RYR2: variants seen among roughly 807,000 people sequenced by gnomAD.
The protein encoded by RYR2 is ryanodine receptor 2.
In RYR2, 227 loss-of-function variants were observed where a neutral mutation model predicts 601.1. The observed-to-expected ratio is 0.38, with a 90% CI of 0.34 to 0.42. The LOEUF is 0.42. Ranked by LOEUF, RYR2 falls within the 10% of genes least tolerant of loss-of-function variation. The pLI, the probability that RYR2 is intolerant of heterozygous loss-of-function variation, is 1.00. For synonymous variants in RYR2, 2,223 were observed against 2,175.1 expected (o/e 1.02, Z -0.61); for missense variants, 4,646 against 6,156.5 (o/e 0.75, Z 8.21).
chr1:237,177,991 C>G (rs999863841), intron 1 of RYR2, among the ~76,000 whole-genome samples: 2 of 152,166 alleles, frequency 1.3e-5, no homozygotes, highest in African/African-American at 2.4e-5. Flanking sequence ...AATGCATGCT[C>G]TCAGTGATAA....
chr1:237,175,399 T>A (rs532755394), intron 1 of RYR2, among the ~76,000 whole-genome samples: 8 of 152,224 alleles, frequency 5.3e-5, no homozygotes, highest in African/African-American at 1.7e-4. Flanking sequence ...GTTTCCAGAT[T>A]TTTTTTTCTT....
chr1:237,557,613 AG>A (rs1044928340), intron 27 of RYR2, among the ~76,000 whole-genome samples: 5 of 151,870 alleles, frequency 3.3e-5, no homozygotes, highest in African/African-American at 7.3e-5. Flanking sequence ...TTTAGGAAAA[AG>A]GCTGAATGTA....
chr1:237,749,298 A>G (rs1468681538), intron 80 of RYR2, among the ~76,000 whole-genome samples: 1 of 152,200 alleles, frequency 6.6e-6, no homozygotes, highest in Non-Finnish European at 1.5e-5. Context: ...TGTGAGCGGA[A>G]GCCTCAATTT....
At chr1:237,257,231 C>A (rs112633470) in intron 1 of RYR2, among the ~76,000 whole-genome samples, 17 of 152,114 alleles carry the variant, frequency 1.1e-4, no homozygotes, top group Non-Finnish European at 2.1e-4. Flanking sequence ...CGACCACCTG[C>A]GCATCCATGA....
intron 76 of RYR2, among the ~76,000 whole-genome samples, chr1:237,727,414 A>G (rs1263893257): frequency 1.3e-5 from 2 of 152,162 alleles, no homozygotes; most frequent in African/African-American, 4.8e-5. Context: ...ACTGAGGAAT[A>G]TCTGCTCACA....
At chr1:237,203,416 CATTGT>C (rs1681418501) in intron 1 of RYR2, among the ~76,000 whole-genome samples, 2 of 152,228 alleles carry the variant, frequency 1.3e-5, no homozygotes, top group East Asian at 3.9e-4. Flanking sequence ...TATTTTCATA[CATTGT>C]AGGTAAGAGT....
At chr1:237,331,214 A>G (rs1426758058) in intron 3 of RYR2, among the ~76,000 whole-genome samples, 1 of 152,160 alleles carries the variant, frequency 6.6e-6, no homozygotes, top group Non-Finnish European at 1.5e-5. Flanking sequence ...CCTCGTGCTT[A>G]TGTCTGTTGT....
chr1:237,363,335 A>G (rs1207252743), intron 4 of RYR2, among the ~76,000 whole-genome samples: 1 of 152,146 alleles, frequency 6.6e-6, no homozygotes, highest in African/African-American at 2.4e-5. Flanking sequence ...TAAGCCAAGG[A>G]TGAAAGCTTC....
rs1678297331 is a variant in RYR2 at position 237,614,885 on chromosome 1, A to C, written c.5715+42A>C. On this transcript the variant is annotated intron_variant, in intron 37 of 104. Transcript: ENST00000366574. The surrounding 1 kb of genome is among the most constrained non-coding windows in gnomAD (Gnocchi z 4.3). Reference sequence around the variant, plus strand: ...ACTTGAGTGAATTTCAGAATTGCTAAGCATTAAGGTATTAGAACATGCCTT... The same window carrying C: ...ACTTGAGTGAATTTCAGAATTGCTACGCATTAAGGTATTAGAACATGCCTT... The C allele has an allele frequency of 4.0e-6, 6 of 1,518,228 alleles. No individual in the cohort carries two copies. Among genetic ancestry groups the C allele is most frequent in the Non-Finnish European group, 5.3e-6 (6 of 1,133,640 alleles). 94.0% of individuals were successfully genotyped at this position (1,518,228 alleles called of 1,614,324 possible). A position where few individuals can be genotyped will look rare whatever the true frequency, so the allele number is the denominator to read the frequency against.
intron 2 of RYR2, among the ~76,000 whole-genome samples, chr1:237,274,271 A>G (rs1210889218): frequency 6.6e-6 from 1 of 151,506 alleles, no homozygotes; most frequent in African/African-American, 2.4e-5. Context: ...CACATACCAC[A>G]TATATGACAG....
Position 237,230,954 on chromosome 1 carries a change from A to G in RYR2, c.49-39543A>G, listed in dbSNP as rs568393342. ...AAAAAAAAAAAAAGGATACTCCTCA[A>G]ATTATGCCTACTTGTAATTTGGAGT... On this transcript the variant is annotated intron_variant, in intron 1 of 104. Transcript: ENST00000366574. 2.1e-3 allele frequency among the ~76,000 whole-genome samples: 302 copies of G among 145,956 alleles called. 1 individual carries two copies. Among genetic ancestry groups the G allele is most frequent in the African/African-American group, 6.4e-3 (251 of 39,078 alleles).
At chr1:237,491,567 A>G (rs1184949671) in intron 17 of RYR2, among the ~76,000 whole-genome samples, 1 of 152,184 alleles carries the variant, frequency 6.6e-6, no homozygotes, top group African/African-American at 2.4e-5. Flanking sequence ...TTCCTCTGCT[A>G]AACACCACGT....
chr1:237,237,162 A>G (rs1033163867), intron 1 of RYR2, among the ~76,000 whole-genome samples: 19 of 152,146 alleles, frequency 1.2e-4, no homozygotes, highest in Admixed American at 7.9e-4. Flanking sequence ...GCCATGCTGA[A>G]CTGTGAGTCA....
intron 17 of RYR2, among the ~76,000 whole-genome samples, chr1:237,487,556 C>CAAAAA (rs770034115): frequency 1.5e-4 from 6 of 40,618 alleles, no homozygotes; most frequent in Non-Finnish European, 1.7e-4. Context: ...CCCGTCTCTA[C>CAAAAA]AAAAAAAAAA....
chr1:237,056,653 A>G (rs1408115683), intron 1 of RYR2, among the ~76,000 whole-genome samples: 5,245 of 28,062 alleles, frequency 0.19, 95 homozygotes, highest in East Asian at 0.26. Context: ...TACTGCAGCT[A>G]TGAGGACTAG....
At chr1:237,330,289 C>A (rs893630487) in intron 2 of RYR2, among the ~76,000 whole-genome samples, 1 of 152,230 alleles carries the variant, frequency 6.6e-6, no homozygotes, top group African/African-American at 2.4e-5. Flanking sequence ...ATAGATACAG[C>A]TCCCAGGGCA....
At chr1:237,284,696 A>ACACACACC (rs1286824875) in intron 2 of RYR2, among the ~76,000 whole-genome samples, 4 of 148,164 alleles carry the variant, frequency 2.7e-5, no homozygotes, top group African/African-American at 5.0e-5. Context: ...ACACACACAC[A>ACACACACC]CCCATAAACA....
chr1:237,708,952 G>T lies in RYR2; in HGVS notation c.9996G>T (p.Thr3332=), dbSNP rs760131228. 2 of 1,613,370 alleles carry T rather than the reference G, an allele frequency of 1.2e-6. No homozygotes were observed. Among genetic ancestry groups the T allele is most frequent in the Middle Eastern group, 1.6e-4 (1 of 6,084 alleles). The part of the protein sequence containing the change: ...LMEKLKKKAA[T]VVSEEDHLKA... The stretch of plus-strand genomic sequence containing the variant: ...AGAAACTCAAGAAAAAGGCAGCTAC[G>T]GTGGTGTCTGAGGAAGACCACCTGA... The change falls in exon 69 of 105, where the codon ACG becomes ACT. Residue 3332 remains threonine (T), a synonymous_variant. Coordinates refer to ENST00000366574, the MANE Select transcript of RYR2 (RefSeq NM_001035.3).
intron 35 of RYR2, among the ~76,000 whole-genome samples, chr1:237,604,964 C>T (rs1044471799): frequency 1.3e-5 from 2 of 152,098 alleles, no homozygotes; most frequent in African/African-American, 2.4e-5. Flanking sequence ...CAGGACCAGA[C>T]AGATTCACAG....
Sources: gnomAD v4.1 joint callset for allele counts (sites outside exome capture counted in the v4.1 genomes callset) on GRCh38, gnomAD v4.1.1 for gene constraint, Gnocchi (gnomAD v3.1) non-coding constraint, MANE v1.5 for transcripts, NCBI Gene and HGNC (gene_info 2026-07-23, HGNC 2026-07-21) for gene names.